The following SPTAN1 variants were observed in gnomAD, a reference collection of about 807,000 sequenced individuals.
The protein encoded by SPTAN1 is spectrin alpha, non-erythrocytic 1.
A neutral mutation model predicts 331.3 loss-of-function variants in SPTAN1; 61 were observed. The observed-to-expected ratio is 0.18, with a 90% CI of 0.15 to 0.23. The LOEUF (loss-of-function observed/expected upper bound fraction) is 0.23, where lower values mean the gene tolerates loss of function less well. SPTAN1 is among the 10% of genes least tolerant of loss of function. SPTAN1 has a pLI of 1.00. For synonymous variants in SPTAN1, 1,153 were observed against 1,173.9 expected, an observed-to-expected ratio of 0.98 and a Z score of 0.36; for missense variants, 2,043 against 3,147.9, an observed-to-expected ratio of 0.65 and a Z score of 8.40.
intron 1 of SPTAN1, among the ~76,000 whole-genome samples, chr9:128,565,855 C>T (rs1311333722): frequency 1.3e-5 from 2 of 152,156 alleles, no homozygotes; most frequent in East Asian, 1.9e-4. Flanking sequence ...TCAAAAACCT[C>T]TCTATAGGCT....
At chr9:128,588,619 AT>A (rs775953883) in intron 20 of SPTAN1, among the ~76,000 whole-genome samples, 189 bp from the exon 21 acceptor site, 3 of 150,286 alleles carry the variant, frequency 2.0e-5, no homozygotes, top group Non-Finnish European at 4.4e-5. Flanking sequence ...ACAAAATGAG[AT>A]TTTTTTTTTA....
At position 128,632,967 on chromosome 9, in the gene SPTAN1, AG is replaced by A. The variant is rs768426871; in HGVS notation, c.7308+14del. On this transcript the variant is annotated intron_variant, in intron 56 of 56. Transcript: ENST00000372739. ...AGGAGCTCTACCAGGTATGGGCCTCAGGAGGTGGGTGAAGAGGTGTCCTTTG... is the reference window on the plus strand; with the variant it reads ...AGGAGCTCTACCAGGTATGGGCCTCAGAGGTGGGTGAAGAGGTGTCCTTTG... 1 of 1,610,690 alleles carries A rather than the reference AG, an allele frequency of 6.2e-7. No individual in the cohort carries two copies. The highest frequency in any genetic ancestry group is 8.5e-7 in the Non-Finnish European group (1 of 1,180,000).
chr9:128,561,740 G>A (rs1849399250), intron 1 of SPTAN1, among the ~76,000 whole-genome samples: 1 of 142,946 alleles, frequency 7.0e-6, no homozygotes, highest in African/African-American at 2.6e-5. Context: ...TGTGTCTATT[G>A]TGCCATATTC....
chr9:128,631,737 G>C (rs748421270), intron 52 of SPTAN1: 42 of 234,052 alleles, frequency 1.8e-4, no homozygotes, highest in Admixed American at 4.2e-4. Flanking sequence ...TGAGGCAGGA[G>C]AATCACTTGA....
At position 128,629,367 on chromosome 9, in the gene SPTAN1, G is replaced by A. The variant is rs1052207189; in HGVS notation, c.6708-954G>A. 4.6e-5 allele frequency among the ~76,000 whole-genome samples: 7 copies of A among 151,774 alleles called. No homozygotes were observed. Among genetic ancestry groups the A allele is most frequent in the Non-Finnish European group, 7.4e-5 (5 of 67,904 alleles). ...CCAGGTCCTGGGGGGCATTTTCCCC[G>A]GGGGGACATGGCGTGACTGTGAGTC... On this transcript the variant is annotated intron_variant, in intron 51 of 56. Coordinates refer to ENST00000372739, the MANE Select transcript of SPTAN1 (RefSeq NM_001130438.3). This position sits in a 1 kb window ranked among gnomAD's most constrained non-coding sequence, Gnocchi z 4.9.
At chr9:128,604,166 A>G (rs1397152992) in intron 28 of SPTAN1, among the ~76,000 whole-genome samples, 160 bp from the exon 29 acceptor site, 1 of 152,244 alleles carries the variant, frequency 6.6e-6, no homozygotes, top group East Asian at 1.9e-4. Context: ...CTTGGCTCTT[A>G]CTGGAATATT....
At chr9:128,626,912 T>A in intron 49 of SPTAN1, 1 of 644,216 alleles carries the variant, frequency 1.6e-6, no homozygotes. Context: ...CCTCCCAGGC[T>A]CAGGTGATCC....
chr9:128,610,918 A>T (rs566173681), intron 37 of SPTAN1, among the ~76,000 whole-genome samples: 76 of 152,334 alleles, frequency 5.0e-4, no homozygotes, highest in Non-Finnish European at 9.3e-4. Context: ...GAAAAGACTG[A>T]CCATCAAATA....
chr9:128,569,950 G>C (rs1850461323), intron 3 of SPTAN1, among the ~76,000 whole-genome samples: 1 of 152,118 alleles, frequency 6.6e-6, no homozygotes, highest in Non-Finnish European at 1.5e-5. Context: ...AATGATGATT[G>C]TAAATAGGAA....
intron 21 of SPTAN1, among the ~76,000 whole-genome samples, chr9:128,590,906 TAC>T (rs1031370229): frequency 2.6e-5 from 4 of 152,120 alleles, no homozygotes; most frequent in Admixed American, 2.6e-4. Context: ...GACTGGTGGC[TAC>T]AGTGTTAGCA....
Position 128,615,832 on chromosome 9 carries a change from C to A in SPTAN1, c.5349C>A (p.Ser1783=). 1 of 1,614,194 alleles carries A rather than the reference C, an allele frequency of 6.2e-7. No individual in the cohort carries two copies. Among genetic ancestry groups the A allele is most frequent in the Non-Finnish European group, 8.5e-7 (1 of 1,180,044 alleles). Residue 1783 remains serine (S), a synonymous_variant, in exon 41 of 57, where the codon TCC becomes TCA. Coordinates refer to ENST00000372739, the MANE Select transcript of SPTAN1 (RefSeq NM_001130438.3). ...QFFRDMDDEE[S]WIKEKKLLVG... is the part of the protein sequence containing the mutation. The stretch of plus-strand genomic sequence containing the variant: ...TCCGGGACATGGATGACGAGGAGTC[C>A]TGGATCAAGTATGTCTTCTCAGCCC...
chr9:128,626,706 T>G lies in SPTAN1; in HGVS notation c.6576+19T>G. 1.3e-6 allele frequency: 2 copies of G among 1,591,094 alleles called. No individual in the cohort carries two copies. The highest frequency in any genetic ancestry group is 1.3e-5 in the African/African-American group (1 of 74,804). On this transcript the variant is annotated intron_variant, in intron 49 of 56. Coordinates refer to ENST00000372739, the MANE Select transcript of SPTAN1 (RefSeq NM_001130438.3). ...CATCAAGGTACACCTCCCGCTGCCC[T>G]CAGGAGCTGCTCGGCCTCCCAGAGC...
intron 26 of SPTAN1, chr9:128,599,691 A>AT (rs1854818490): frequency 9.6e-6 from 2 of 207,776 alleles, no homozygotes; most frequent in African/African-American, 4.8e-5. Context: ...GCTCTAAAAA[A>AT]AAAAAAAAAA....
At chr9:128,602,365 C>T (rs905444346) in intron 27 of SPTAN1, among the ~76,000 whole-genome samples, 1 of 151,626 alleles carries the variant, frequency 6.6e-6, no homozygotes, top group Non-Finnish European at 1.5e-5. Context: ...TACAGGCACC[C>T]GCCACCATGC....
chr9:128,608,795 A>C (rs3818829), intron 34 of SPTAN1, 79 bp from the exon 35 acceptor site: 4 of 1,373,650 alleles, frequency 2.9e-6, no homozygotes, highest in African/African-American at 2.9e-5. Flanking sequence ...CAAAATAACT[A>C]TCCTTTTCTC....
chr9:128,588,703 T>TATTTGGTAC, intron 20 of SPTAN1, 106 bp from the exon 21 acceptor site: 2 of 1,477,480 alleles, frequency 1.4e-6, no homozygotes, highest in Non-Finnish European at 1.9e-6. Context: ...CATGAGTGTA[T>TATTTGGTAC]ATTTGGTACA....
chr9:128,627,570 C>G lies in SPTAN1; in HGVS notation c.6689+72C>G. On this transcript the variant is annotated intron_variant, in intron 50 of 56. Coordinates refer to ENST00000372739, the MANE Select transcript of SPTAN1 (RefSeq NM_001130438.3). This position sits in a 1 kb window ranked among gnomAD's most constrained non-coding sequence, Gnocchi z 4.9. ...CTTAAGCCCTGGGGAGCTTCCAGCC[C>G]CAAGGAGGTGGTGGTGCTTTGTGTA... 1 of 1,374,938 alleles carries G rather than the reference C, an allele frequency of 7.3e-7. No individual in the cohort carries two copies. The highest frequency in any genetic ancestry group is 1.2e-5 in the South Asian group (1 of 80,824). 85.2% of individuals were successfully genotyped at this position (1,374,938 alleles called of 1,614,324 possible). A position where few individuals can be genotyped will look rare whatever the true frequency, so the allele number is the denominator to read the frequency against.
Position 128,583,953 on chromosome 9 carries a change from A to T in SPTAN1, c.2177A>T (p.Asp726Val). 1.2e-6 allele frequency: 2 copies of T among 1,614,188 alleles called. No homozygotes were observed. Among genetic ancestry groups the T allele is most frequent in the South Asian group, 2.2e-5 (2 of 91,086 alleles). Residue 726 changes from aspartate to valine, a missense_variant, in exon 16 of 57, where the codon GAT becomes GTT. This residue lies in a region of SPTAN1 where 1,038 missense variants were observed against 1,531.5 expected (regional missense o/e 0.68). Coordinates refer to ENST00000372739, the MANE Select transcript of SPTAN1 (RefSeq NM_001130438.3). ...LQKKHALLEA[D>V]VAAHQDRIDG... Reference sequence around the variant, plus strand: ...AAGAAACATGCACTGCTAGAGGCAGATGTGGCTGCTCACCAGGTAGTGTGA... The same window carrying T: ...AAGAAACATGCACTGCTAGAGGCAGTTGTGGCTGCTCACCAGGTAGTGTGA...
intron 3 of SPTAN1, among the ~76,000 whole-genome samples, chr9:128,573,486 T>C (rs184850735): frequency 6.6e-6 from 1 of 152,322 alleles, no homozygotes; most frequent in Non-Finnish European, 1.5e-5. Context: ...GATGGATTCT[T>C]GTTCTGTTGC....
Sources: gnomAD v4.1 joint callset for allele counts (sites outside exome capture counted in the v4.1 genomes callset) on GRCh38, gnomAD v4.1.1 for gene constraint, gnomAD v4.1.1 regional missense constraint, Gnocchi (gnomAD v3.1) non-coding constraint, MANE v1.5 for transcripts, NCBI Gene and HGNC (gene_info 2026-07-23, HGNC 2026-07-21) for gene names.